NPL: variants seen among roughly 807,000 people sequenced by gnomAD.
NPL encodes N-acetylneuraminate lyase.
In NPL, 32 loss-of-function variants were observed where a neutral mutation model predicts 41.1. That is an observed-to-expected ratio of 0.78 (90% CI 0.59 to 1.05). The LOEUF is 1.05. NPL is among the 50% of genes least tolerant of loss of function. NPL has a pLI of 0.00. For synonymous variants in NPL, 128 were observed against 134.9 expected (o/e 0.95, Z 0.35); for missense variants, 321 against 378.4 (o/e 0.85, Z 1.26).
Position 182,829,986 on chromosome 1 carries a change from C to T in NPL, c.*1078C>T. On this transcript the variant is annotated 3_prime_UTR_variant, in exon 13 of 13. Coordinates refer to ENST00000367553, the MANE Select transcript of NPL (RefSeq NM_030769.3). ...CTTACTGATTTTAAACTTGACTATC[C>T]AGTCTGTTAATTACCTAAGATTTTG... is the stretch of plus-strand genomic sequence containing the variant. 1 of 204,068 alleles carries T rather than the reference C, an allele frequency of 4.9e-6. No individual in the cohort carries two copies. Among genetic ancestry groups the T allele is most frequent in the Non-Finnish European group, 9.8e-6 (1 of 101,826 alleles). The allele number at this position is 204,068 out of a possible 1,614,324, so 12.6% of individuals were successfully genotyped here.
At chr1:182,800,204 G>T (rs529816131) in intron 3 of NPL, among the ~76,000 whole-genome samples, 1 of 152,060 alleles carries the variant, frequency 6.6e-6, no homozygotes, top group Non-Finnish European at 1.5e-5. Flanking sequence ...GGGAGGCCGA[G>T]GCAGGCAGAT....
intron 4 of NPL, among the ~76,000 whole-genome samples, chr1:182,805,370 G>A (rs1255763891): frequency 6.6e-6 from 1 of 152,232 alleles, no homozygotes; most frequent in African/African-American, 2.4e-5. Context: ...GGCAGAGGTT[G>A]CAGTGAGCCA....
intron 3 of NPL, among the ~76,000 whole-genome samples, chr1:182,795,391 C>G (rs1571421056): frequency 6.6e-6 from 1 of 152,240 alleles, no homozygotes; most frequent in Admixed American, 6.5e-5. Flanking sequence ...AAAGTTTGAA[C>G]TGCCTTTATG....
At chr1:182,800,692 C>T (rs1158611691) in intron 3 of NPL, among the ~76,000 whole-genome samples, 1 of 140,678 alleles carries the variant, frequency 7.1e-6, no homozygotes, top group Non-Finnish European at 1.5e-5. Context: ...GCTGCTTTTT[C>T]TAATTTCCAG....
At chr1:182,811,590 G>A (rs1667177627) in intron 5 of NPL, among the ~76,000 whole-genome samples, 1 of 152,112 alleles carries the variant, frequency 6.6e-6, no homozygotes, top group African/African-American at 2.4e-5. Flanking sequence ...TTGTAAGCAT[G>A]TATATAAGAC....
chr1:182,804,951 T>C (rs1176645253), intron 4 of NPL, among the ~76,000 whole-genome samples: 3 of 152,090 alleles, frequency 2.0e-5, no homozygotes, highest in Non-Finnish European at 2.9e-5. Context: ...ATGACCAGAG[T>C]ATACTTGAAG....
intron 5 of NPL, among the ~76,000 whole-genome samples, chr1:182,808,360 C>G (rs1667082647): frequency 6.6e-6 from 1 of 152,192 alleles, no homozygotes; most frequent in Admixed American, 6.5e-5. Context: ...CTAGGTTTGA[C>G]ACATCATAGG....
At chr1:182,797,225 G>A (rs192160276) in intron 3 of NPL, among the ~76,000 whole-genome samples, 1 of 152,256 alleles carries the variant, frequency 6.6e-6, no homozygotes, top group African/African-American at 2.4e-5. Context: ...AGCTCAGTGA[G>A]CTTCCTAGTA....
chr1:182,818,396 A>C, intron 8 of NPL, 145 bp from the exon 9 acceptor site: 1 of 938,026 alleles, frequency 1.1e-6, no homozygotes, highest in Non-Finnish European at 1.7e-6. Flanking sequence ...AGGAGCTGCT[A>C]GTCAGGGACC....
Position 182,825,772 on chromosome 1 carries a change from CT to C in NPL, c.739-5del. ...TAATACTAACTATAGATATGTTGTT[CT>C]TTTCTAGTTTTGTATCCAGAGATTT... On this transcript the variant is annotated splice_region_variant and splice_polypyrimidine_tract_variant and intron_variant, in intron 11 of 12. Coordinates refer to ENST00000367553, the MANE Select transcript of NPL (RefSeq NM_030769.3). The C allele has an allele frequency of 6.5e-7, 1 of 1,536,126 alleles. No homozygotes were observed.
At chr1:182,807,084 G>A (rs1009915777) in intron 5 of NPL, among the ~76,000 whole-genome samples, 2 of 152,110 alleles carry the variant, frequency 1.3e-5, no homozygotes, top group Non-Finnish European at 2.9e-5. Context: ...GTGATCCACC[G>A]GTCTTGGCCT....
At chr1:182,790,093 A>G (rs1557937083) in intron 1 of NPL, among the ~76,000 whole-genome samples, 2 of 152,220 alleles carry the variant, frequency 1.3e-5, no homozygotes, top group South Asian at 2.1e-4. Context: ...AGAGTTAGCA[A>G]TTGAGCAGAA....
intron 9 of NPL, 34 bp downstream of exon 9, chr1:182,818,723 G>A: frequency 1.9e-6 from 3 of 1,614,132 alleles, no homozygotes; most frequent in Non-Finnish European, 2.5e-6. Flanking sequence ...CAGCAGGTCA[G>A]TTCCCTCCAA....
chr1:182,820,494 G>A (rs1031317067), intron 10 of NPL, among the ~76,000 whole-genome samples: 1 of 152,212 alleles, frequency 6.6e-6, no homozygotes, highest in Non-Finnish European at 1.5e-5. Flanking sequence ...TTGACCATAT[G>A]TATTAATTCA....
chr1:182,790,935 G>A (rs1462177030), intron 1 of NPL, among the ~76,000 whole-genome samples: 7 of 152,184 alleles, frequency 4.6e-5, no homozygotes, highest in African/African-American at 1.7e-4. Flanking sequence ...GAGCCACCGC[G>A]CCCGGCCAAA....
chr1:182,809,346 C>G lies in NPL; in HGVS notation c.231-2810C>G, dbSNP rs1297923308. 1.6e-5 allele frequency: 5 copies of G among 308,362 alleles called. No homozygotes were observed. In the East Asian group the frequency reaches 5.2e-4, roughly 32 times the overall value. The allele number at this position is 308,362 out of a possible 1,614,324, so 19.1% of individuals were successfully genotyped here. A position where few individuals can be genotyped will look rare whatever the true frequency, so the allele number is the denominator to read the frequency against. ...CTGAGGTCAGAAGTTTGAGACCAACCTGGCCAACCTGACAAAACCCCGTCT... is the reference window on the plus strand; with the variant it reads ...CTGAGGTCAGAAGTTTGAGACCAACGTGGCCAACCTGACAAAACCCCGTCT... On this transcript the variant is annotated intron_variant, in intron 5 of 12. Transcript: ENST00000367553.
intron 5 of NPL, among the ~76,000 whole-genome samples, chr1:182,811,881 G>A (rs1367815969): frequency 2.0e-5 from 3 of 152,138 alleles, no homozygotes; most frequent in African/African-American, 4.8e-5. Flanking sequence ...TCCTTTGGGG[G>A]CTGAATATTC....
At chr1:182,806,489 A>G (rs1050539584) in intron 5 of NPL, 12 of 1,536,114 alleles carry the variant, frequency 7.8e-6, no homozygotes, top group South Asian at 3.6e-5. Flanking sequence ...TTACCTGTCT[A>G]CAAGGCCAGT....
chr1:182,800,450 A>C (rs1387232871), intron 3 of NPL, among the ~76,000 whole-genome samples: 1 of 151,392 alleles, frequency 6.6e-6, no homozygotes, highest in Admixed American at 6.6e-5. Context: ...AAAAAAAAAA[A>C]AAAAAAAAAA....
Sources: allele counts gnomAD v4.1 joint callset (sites outside exome capture counted in the v4.1 genomes callset), GRCh38; gene constraint gnomAD v4.1.1; transcripts MANE v1.5; gene names NCBI Gene and HGNC (gene_info 2026-07-23, HGNC 2026-07-21).